The following ABL2 variants were observed in gnomAD, a reference collection of about 807,000 sequenced individuals.
The protein encoded by ABL2 is ABL proto-oncogene 2, non-receptor tyrosine kinase, also known as tyrosine-protein kinase ABL2.
A neutral mutation model predicts 107.7 loss-of-function variants in ABL2; 49 were observed. The observed-to-expected ratio is 0.45, with a 90% CI of 0.36 to 0.58. ABL2 has a LOEUF of 0.58. Among genes scored for constraint, ABL2 ranks in the 20% least tolerant of loss-of-function variants. ABL2 has a pLI of 0.00. For synonymous variants in ABL2, 549 were observed against 548.6 expected (o/e 1.00, Z -0.01); for missense variants, 1,245 against 1,457.0 (o/e 0.85, Z 2.37).
chr1:179,181,231 T>C (rs1315598773), intron 1 of ABL2, among the ~76,000 whole-genome samples: 1 of 152,186 alleles, frequency 6.6e-6, no homozygotes, highest in Non-Finnish European at 1.5e-5. Flanking sequence ...TAGGTAAAAA[T>C]AGTGGCAGTA....
At chr1:179,189,542 C>T (rs896630721) in intron 1 of ABL2, among the ~76,000 whole-genome samples, 2 of 152,154 alleles carry the variant, frequency 1.3e-5, no homozygotes, top group African/African-American at 4.8e-5. Context: ...TCTTAATTAG[C>T]AATCGTCTTG....
chr1:179,166,505 G>A lies in ABL2; in HGVS notation c.158-33131C>T, dbSNP rs149196671. Among the ~76,000 whole-genome samples, 764 of 151,980 alleles carry A rather than the reference G, an allele frequency of 5.0e-3. 6 individuals carry two copies. Among genetic ancestry groups the A allele is most frequent in the African/African-American group, 0.017 (703 of 41,472 alleles). ...TATGAAAAAATGTTCCTGGCAGGGCGCGGTGGCTCACGCCTGTAATCCCAG... is the reference window on the plus strand; with the variant it reads ...TATGAAAAAATGTTCCTGGCAGGGCACGGTGGCTCACGCCTGTAATCCCAG... On this transcript the variant is annotated intron_variant, in intron 1 of 11. Coordinates refer to ENST00000502732, the MANE Select transcript of ABL2 (RefSeq NM_007314.4).
intron 1 of ABL2, among the ~76,000 whole-genome samples, chr1:179,134,732 C>CCCTCTCCCTCTT (rs1656682349): frequency 1.5e-5 from 2 of 135,440 alleles, no homozygotes; most frequent in Non-Finnish European, 3.3e-5. Context: ...CCCTCTCCCT[C>CCCTCTCCCTCTT]TCCACGGTCG....
chr1:179,196,889 A>T (rs1487956862), intron 1 of ABL2, among the ~76,000 whole-genome samples: 1 of 152,238 alleles, frequency 6.6e-6, no homozygotes, highest in African/African-American at 2.4e-5. Context: ...CCAGATTTTA[A>T]AGAGAATCAA....
intron 1 of ABL2, among the ~76,000 whole-genome samples, chr1:179,171,331 CA>C (rs1309229802): frequency 6.6e-6 from 1 of 152,172 alleles, no homozygotes; most frequent in Non-Finnish European, 1.5e-5. Flanking sequence ...AACCAAAAGA[CA>C]CAGAGACTCT....
intron 1 of ABL2, among the ~76,000 whole-genome samples, chr1:179,200,112 C>G (rs1490819866): frequency 6.9e-6 from 1 of 145,616 alleles, no homozygotes; most frequent in East Asian, 2.0e-4. Flanking sequence ...AGTGGTACAG[C>G]CTTGGCTCAC....
chr1:179,121,763 G>A lies in ABL2; in HGVS notation c.792C>T (p.Pro264=), dbSNP rs1655218999. The change falls in exon 5 of 12, where the codon CCC becomes CCT. Residue 264 remains proline, a synonymous_variant. Transcript: ENST00000502732. The stretch of plus-strand genomic sequence containing the variant: ...CATAGACTGTAGGCTTATTACACTT[G>A]GGTGCTGGGTAGTGTAATGTTGTCA... ...GLVTTLHYPA[P]KCNKPTVYGV... is the part of the protein sequence containing the mutation. 2.5e-6 allele frequency: 4 copies of A among 1,614,040 alleles called. No individual in the cohort carries two copies. The highest frequency in any genetic ancestry group is 3.4e-6 in the Non-Finnish European group (4 of 1,180,012).
chr1:179,135,879 G>T (rs1362764832), intron 1 of ABL2, among the ~76,000 whole-genome samples: 1 of 146,502 alleles, frequency 6.8e-6, no homozygotes, highest in Non-Finnish European at 1.5e-5. Flanking sequence ...GAGGTGAGGG[G>T]GCGCCTCTGC....
chr1:179,182,748 A>G (rs370960956), intron 1 of ABL2, among the ~76,000 whole-genome samples: 1 of 152,190 alleles, frequency 6.6e-6, no homozygotes, highest in African/African-American at 2.4e-5. Context: ...GATTTGAATT[A>G]ACATTTTGCA....
intron 1 of ABL2, among the ~76,000 whole-genome samples, chr1:179,161,983 T>TGATGCAGCAAGACA (rs1261116350): frequency 2.0e-5 from 3 of 152,126 alleles, no homozygotes. Flanking sequence ...TCTTCTGCCA[T>TGATGCAGCAAGACA]GATGCAGCAA....
chr1:179,229,170 G>GCCCCCCCC, intron 1 of ABL2, 71 bp downstream of exon 1: 1 of 266,256 alleles, frequency 3.8e-6, no homozygotes, highest in Non-Finnish European at 6.8e-6. Flanking sequence ...CAGCCCGTCC[G>GCCCCCCCC]CCACCCACCC....
At chr1:179,202,335 G>A (rs1485089853) in intron 1 of ABL2, among the ~76,000 whole-genome samples, 1 of 152,104 alleles carries the variant, frequency 6.6e-6, no homozygotes, top group African/African-American at 2.4e-5. Context: ...AACTAGTCAG[G>A]AAACCCACGC....
At chr1:179,181,942 G>A (rs1406024164) in intron 1 of ABL2, among the ~76,000 whole-genome samples, 7 of 137,290 alleles carry the variant, frequency 5.1e-5, no homozygotes, top group African/African-American at 8.2e-5. Context: ...CACCAGGCCC[G>A]GCTATTTTTT....
intron 1 of ABL2, among the ~76,000 whole-genome samples, chr1:179,214,394 C>T (rs1306925739): frequency 6.6e-6 from 1 of 151,548 alleles, no homozygotes; most frequent in African/African-American, 2.4e-5. Flanking sequence ...ATTTTAAGAA[C>T]AACATAATGA....
At chr1:179,114,704 A>T (rs914706265) in intron 9 of ABL2, among the ~76,000 whole-genome samples, 174 bp downstream of exon 9, 1 of 152,208 alleles carries the variant, frequency 6.6e-6, no homozygotes, top group African/African-American at 2.4e-5. Context: ...TTAGGATTCC[A>T]ATAAGATTCA....
At chr1:179,181,946 ATTTTTTTTTT>A (rs34828452) in intron 1 of ABL2, among the ~76,000 whole-genome samples, 1 of 91,208 alleles carries the variant, frequency 1.1e-5, no homozygotes, top group African/African-American at 4.3e-5. Flanking sequence ...AGGCCCGGCT[ATTTTTTTTTT>A]TTTTTTTTTT....
chr1:179,155,331 T>A (rs1413851007), intron 1 of ABL2, among the ~76,000 whole-genome samples: 1 of 152,148 alleles, frequency 6.6e-6, no homozygotes, highest in African/African-American at 2.4e-5. Context: ...AACAATCCAT[T>A]TCATCAAAGG....
intron 3 of ABL2, among the ~76,000 whole-genome samples, chr1:179,128,741 C>T (rs1335037449): frequency 6.6e-6 from 1 of 152,152 alleles, no homozygotes; most frequent in South Asian, 2.1e-4. Context: ...GGCAGTGCAG[C>T]GGTGCAAACA....
intron 1 of ABL2, among the ~76,000 whole-genome samples, chr1:179,148,302 A>G (rs868857340): frequency 5.9e-5 from 9 of 152,090 alleles, no homozygotes; most frequent in Middle Eastern, 6.8e-3. Flanking sequence ...CAGCCTCCCA[A>G]AATGTTGGTA....
Sources: allele counts gnomAD v4.1 joint callset (sites outside exome capture counted in the v4.1 genomes callset), GRCh38; gene constraint gnomAD v4.1.1; transcripts MANE v1.5; gene names NCBI Gene and HGNC (gene_info 2026-07-23, HGNC 2026-07-21).